The following PKHD1 variants were observed in gnomAD, a reference collection of about 807,000 sequenced individuals.
PKHD1 encodes PKHD1 ciliary IPT domain containing fibrocystin/polyductin, also known as fibrocystin.
In PKHD1, 291 loss-of-function variants were observed where a neutral mutation model predicts 412.0. The ratio of observed to expected loss-of-function variants is 0.71; its 90% CI spans 0.64 to 0.78. PKHD1 has a LOEUF of 0.78. PKHD1 is among the 30% of genes least tolerant of loss of function. The pLI is 0.00. For synonymous variants in PKHD1, 1,777 were observed against 1,821.5 expected, an observed-to-expected ratio of 0.98 and a Z score of 0.62; for missense variants, 4,825 against 4,950.7, an observed-to-expected ratio of 0.97 and a Z score of 0.76.
chr6:51,683,229 G>A (rs1776937211), intron 60 of PKHD1, among the ~76,000 whole-genome samples: 1 of 151,952 alleles, frequency 6.6e-6, no homozygotes, highest in South Asian at 2.1e-4. Flanking sequence ...CCTGAAAACT[G>A]ATGTATCATA....
chr6:51,867,326 A>G (rs1775239421), intron 48 of PKHD1, among the ~76,000 whole-genome samples: 1 of 152,164 alleles, frequency 6.6e-6, no homozygotes, highest in Non-Finnish European at 1.5e-5. Flanking sequence ...GAGTAGCATA[A>G]CCAAGGAGTC....
At chr6:51,821,745 C>G (rs1304559889) in intron 52 of PKHD1, among the ~76,000 whole-genome samples, 1 of 152,184 alleles carries the variant, frequency 6.6e-6, no homozygotes, top group African/African-American at 2.4e-5. Context: ...GACGGAGTCT[C>G]GCTCTGTCAC....
chr6:52,071,636 T>A (rs1039525541), intron 8 of PKHD1, among the ~76,000 whole-genome samples: 1 of 152,196 alleles, frequency 6.6e-6, no homozygotes, highest in African/African-American at 2.4e-5. Context: ...TACCTTTGGC[T>A]AGTCACTGAA....
At chr6:51,890,746 T>C (rs1037741234) in intron 43 of PKHD1, among the ~76,000 whole-genome samples, 6 of 151,978 alleles carry the variant, frequency 3.9e-5, no homozygotes, top group African/African-American at 1.5e-4. Context: ...GAGAGATACA[T>C]GGGTAGGGGT....
At chr6:51,896,582 CTG>C (rs1168241095) in intron 43 of PKHD1, among the ~76,000 whole-genome samples, 15 of 151,804 alleles carry the variant, frequency 9.9e-5, no homozygotes, top group Non-Finnish European at 1.9e-4. Context: ...AACAGAAAAA[CTG>C]GAAACTCTAA....
At chr6:51,625,810 C>T (rs143472964) in intron 66 of PKHD1, among the ~76,000 whole-genome samples, 1 of 152,300 alleles carries the variant, frequency 6.6e-6, no homozygotes, top group East Asian at 1.9e-4. Flanking sequence ...AGCGTTCAAA[C>T]ACCTGTCCTG....
chr6:51,797,051 C>A (rs1794729891), intron 52 of PKHD1, among the ~76,000 whole-genome samples: 1 of 152,034 alleles, frequency 6.6e-6, no homozygotes. Context: ...TGAACTCAGG[C>A]AATCCACCCA....
chr6:51,733,634 AT>A (rs1783496710), intron 60 of PKHD1, among the ~76,000 whole-genome samples: 1 of 152,206 alleles, frequency 6.6e-6, no homozygotes, highest in South Asian at 2.1e-4. Context: ...AACTAAAAAA[AT>A]GTCATATATT....
chr6:51,743,917 G>T lies in PKHD1; in HGVS notation c.10156+468C>A, dbSNP rs529528757. The stretch of plus-strand genomic sequence containing the variant: ...GAAGTTTGGAGCACAGCCTTGTTTG[G>T]GGGAGAGTTGGAGAATGGAGAAAAG... On this transcript the variant is annotated intron_variant, in intron 60 of 66. Transcript: ENST00000371117. Among the ~76,000 whole-genome samples the T allele has an allele frequency of 3.3e-5, 5 of 152,292 alleles. No individual in the cohort carries two copies. The East Asian group carries it at 7.7e-4, about 24-fold the overall frequency.
At position 52,065,033 on chromosome 6, in the gene PKHD1, T is replaced by A. The variant is rs1582053820; in HGVS notation, c.898A>T (p.Arg300Ter). ...TCAATCTTCCTGGGAGACACGTGTC[T>A]AATATCACATGGAATGCCTAAAGCG... ...VTIAGIPCDI[R>*]HVSPRKIECT... The change falls in exon 13 of 67, where the codon AGA (arginine) becomes TGA (stop). Residue 300 changes from arginine to a stop codon, truncating the protein, a stop_gained. Transcript: ENST00000371117. LOFTEE classifies it high-confidence loss of function. The A allele has an allele frequency of 1.9e-6, 3 of 1,591,356 alleles. No homozygotes were observed. Among genetic ancestry groups the A allele is most frequent in the Non-Finnish European group, 1.7e-6 (2 of 1,168,206 alleles).
chr6:52,073,759 A>C (rs1417589094), intron 6 of PKHD1, among the ~76,000 whole-genome samples: 2 of 152,332 alleles, frequency 1.3e-5, no homozygotes, highest in East Asian at 3.9e-4. Flanking sequence ...CAATTGTTTC[A>C]ATCACAGACT....
intron 62 of PKHD1, among the ~76,000 whole-genome samples, chr6:51,648,519 G>C (rs1194501742): frequency 1.3e-5 from 2 of 152,138 alleles, no homozygotes; most frequent in Non-Finnish European, 2.9e-5. Flanking sequence ...ATTTCTCTCT[G>C]CAAACATGTC....
chr6:52,058,217 G>T (rs1808087085), intron 16 of PKHD1, 106 bp downstream of exon 16: 1 of 1,027,954 alleles, frequency 9.7e-7, no homozygotes, highest in African/African-American at 1.6e-5. Flanking sequence ...TGACAGCAAG[G>T]TTATAATGAC....
At chr6:51,991,617 C>T (rs559115515) in intron 35 of PKHD1, among the ~76,000 whole-genome samples, 2 of 152,092 alleles carry the variant, frequency 1.3e-5, no homozygotes, top group South Asian at 4.2e-4. Context: ...TAAAATAGGC[C>T]CCAATAAATA....
At chr6:51,853,768 G>C (rs1466827010) in intron 49 of PKHD1, among the ~76,000 whole-genome samples, 1 of 152,124 alleles carries the variant, frequency 6.6e-6, no homozygotes, top group African/African-American at 2.4e-5. Flanking sequence ...GGCTCCATCA[G>C]GTCGTTTATA....
At chr6:51,641,711 C>T (rs1297807123) in intron 63 of PKHD1, among the ~76,000 whole-genome samples, 2 of 152,138 alleles carry the variant, frequency 1.3e-5, no homozygotes, top group Non-Finnish European at 2.9e-5. Context: ...ACTATGCAGC[C>T]ATAAAAAAGA....
At position 51,742,090 on chromosome 6, in the gene PKHD1, G is replaced by C. The variant is rs573757228; in HGVS notation, c.10156+2295C>G. Among the ~76,000 whole-genome samples the C allele has an allele frequency of 5.4e-4, 82 of 152,280 alleles. No homozygotes were observed. In the South Asian group the frequency reaches 0.017, roughly 32 times the overall value. Reference sequence around the variant, plus strand: ...ATTTGAGTAGATCTAGGGGTAAATAGGAGGGTAACCCCTTATCTTTTCTTC... The same window carrying C: ...ATTTGAGTAGATCTAGGGGTAAATACGAGGGTAACCCCTTATCTTTTCTTC... On this transcript the variant is annotated intron_variant, in intron 60 of 66. Coordinates refer to ENST00000371117, the MANE Select transcript of PKHD1 (RefSeq NM_138694.4).
intron 65 of PKHD1, among the ~76,000 whole-genome samples, chr6:51,631,936 TTTC>T (rs1476708803): frequency 1.3e-5 from 2 of 150,884 alleles, no homozygotes; most frequent in Non-Finnish European, 1.5e-5. Flanking sequence ...TCTTTTTTTT[TTTC>T]TTTTTTTTTT....
intron 60 of PKHD1, among the ~76,000 whole-genome samples, chr6:51,743,219 T>G (rs1366910151): frequency 6.6e-6 from 1 of 152,098 alleles, no homozygotes; most frequent in African/African-American, 2.4e-5. Context: ...AAGGAGGCTA[T>G]TCCCTCATCT....
Sources: allele counts gnomAD v4.1 joint callset (sites outside exome capture counted in the v4.1 genomes callset), GRCh38; gene constraint gnomAD v4.1.1; transcripts MANE v1.5; gene names NCBI Gene and HGNC (gene_info 2026-07-23, HGNC 2026-07-21).